CENPP: variants seen among roughly 807,000 people sequenced by gnomAD.
CENPP encodes centromere protein P.
Under a neutral mutation model 35.6 loss-of-function variants are expected in CENPP, and 24 were observed. The ratio of observed to expected loss-of-function variants is 0.67; its 90% CI spans 0.49 to 0.95. The LOEUF (loss-of-function observed/expected upper bound fraction) is 0.95. Among genes scored for constraint, CENPP ranks in the 40% least tolerant of loss-of-function variants. The probability of loss-of-function intolerance (pLI) is 0.00; values close to 1 mark genes in which losing one functional copy is unlikely to be tolerated. For synonymous variants in CENPP, 120 were observed against 125.5 expected (o/e 0.96, Z 0.29); for missense variants, 332 against 345.3 (o/e 0.96, Z 0.31).
At chr9:92,454,002 A>T (rs1448184825) in intron 5 of CENPP, among the ~76,000 whole-genome samples, 1 of 152,182 alleles carries the variant, frequency 6.6e-6, no homozygotes, top group Non-Finnish European at 1.5e-5. Flanking sequence ...TGACTTCTAA[A>T]TACCTCATAA....
chr9:92,417,788 G>A (rs1171874413), intron 5 of CENPP, among the ~76,000 whole-genome samples: 4 of 151,958 alleles, frequency 2.6e-5, no homozygotes, highest in African/African-American at 4.8e-5. Context: ...GCACAATCTC[G>A]GCTCACTGCA....
intron 5 of CENPP, among the ~76,000 whole-genome samples, chr9:92,519,328 A>G (rs1847922617): frequency 6.6e-6 from 1 of 152,226 alleles, no homozygotes; most frequent in Non-Finnish European, 1.5e-5. Context: ...CCTTAAATTC[A>G]AATGGAAAAG....
At chr9:92,453,915 T>C (rs186124314) in intron 5 of CENPP, among the ~76,000 whole-genome samples, 1 of 152,036 alleles carries the variant, frequency 6.6e-6, no homozygotes, top group Non-Finnish European at 1.5e-5. Context: ...AGCCCAAGAG[T>C]TTGAGACCAG....
At chr9:92,530,920 T>C (rs1848711400) in intron 5 of CENPP, among the ~76,000 whole-genome samples, 1 of 152,180 alleles carries the variant, frequency 6.6e-6, no homozygotes, top group Non-Finnish European at 1.5e-5. Flanking sequence ...CTCTTACTTA[T>C]AAGGGAGAAC....
chr9:92,434,128 C>A (rs978443127), intron 5 of CENPP, among the ~76,000 whole-genome samples: 2 of 151,866 alleles, frequency 1.3e-5, no homozygotes, highest in African/African-American at 4.8e-5. Context: ...CGGTGGCTCA[C>A]GCCTGTAATC....
At chr9:92,475,596 A>G (rs1845687012) in intron 5 of CENPP, among the ~76,000 whole-genome samples, 1 of 152,198 alleles carries the variant, frequency 6.6e-6, no homozygotes, top group Non-Finnish European at 1.5e-5. Flanking sequence ...AAATCTTTCT[A>G]TTGCCTTAAT....
intron 5 of CENPP, chr9:92,403,166 G>T: frequency 1.8e-6 from 2 of 1,102,076 alleles, no homozygotes. Context: ...ACACATTCAG[G>T]AAAAGCAAAA....
At chr9:92,451,896 G>A (rs1844721092) in intron 5 of CENPP, among the ~76,000 whole-genome samples, 2 of 151,940 alleles carry the variant, frequency 1.3e-5, no homozygotes, top group South Asian at 4.2e-4. Flanking sequence ...TTGGCTCTCT[G>A]TTTGTCTGTT....
chr9:92,414,339 A>T (rs1843525881), intron 5 of CENPP: 1 of 197,702 alleles, frequency 5.1e-6, no homozygotes, highest in South Asian at 1.9e-4. Flanking sequence ...TGTAACAAAG[A>T]GGCCTTTCTA....
chr9:92,618,927 G>T lies in CENPP; in HGVS notation c.*5778G>T. 2 of 296,640 alleles carry T rather than the reference G, an allele frequency of 6.7e-6. No homozygotes were observed. The highest frequency in any genetic ancestry group is 1.3e-5 in the Non-Finnish European group (2 of 152,686). The allele number at this position is 296,640 out of a possible 1,614,324, so 18.4% of individuals were successfully genotyped here. On this transcript the variant is annotated 3_prime_UTR_variant, in exon 8 of 8. Coordinates refer to ENST00000375587, the MANE Select transcript of CENPP (RefSeq NM_001012267.3). ...ATCGGTGATGGAGATGCTGTCTAAC[G>T]ACTATGAGATTATCAGTTTCATCCC...
rs1336335161 is a variant in CENPP, at chr9:92,549,664, C to CA, written c.565-61646dup. On this transcript the variant is annotated intron_variant, in intron 5 of 7. Transcript: ENST00000375587. ...TCCGTCTCAAAAAAAAAAAACAAAACAAAACAAAACTAGATGACATTCTAT... is the reference window on the plus strand; with the variant it reads ...TCCGTCTCAAAAAAAAAAAACAAAACAAAAACAAAACTAGATGACATTCTAT... Among the ~76,000 whole-genome samples the CA allele has an allele frequency of 2.8e-4, 40 of 145,144 alleles. 2 individuals carry two copies. The South Asian group carries it at 8.6e-3, about 31-fold the overall frequency.
chr9:92,371,214 T>C lies in CENPP; in HGVS notation c.468-8549T>C, dbSNP rs1372136785. Among the ~76,000 whole-genome samples, 3 of 152,204 alleles carry C rather than the reference T, an allele frequency of 2.0e-5. No homozygotes were observed. In the East Asian group the frequency reaches 5.8e-4, roughly 29 times the overall value. ...GAGGTACATTGTTAGATTTATAGTT[T>C]ATAACTTTTTACCTTCTGGATGTCA... is the stretch of plus-strand genomic sequence containing the variant. On this transcript the variant is annotated intron_variant, in intron 4 of 7. Transcript: ENST00000375587.
intron 5 of CENPP, among the ~76,000 whole-genome samples, chr9:92,494,940 A>G (rs1564352219): frequency 6.6e-6 from 1 of 152,162 alleles, no homozygotes; most frequent in African/African-American, 2.4e-5. Context: ...GGAATAAGTC[A>G]AACTTTTCAC....
At chr9:92,442,550 A>G (rs1373120577) in intron 5 of CENPP, among the ~76,000 whole-genome samples, 2 of 152,002 alleles carry the variant, frequency 1.3e-5, no homozygotes, top group Admixed American at 6.6e-5. Flanking sequence ...ATCTTAGTAA[A>G]TAAAAAACAT....
chr9:92,492,646 C>T (rs1008246009), intron 5 of CENPP, among the ~76,000 whole-genome samples: 8 of 152,174 alleles, frequency 5.3e-5, no homozygotes, highest in South Asian at 4.1e-4. Context: ...CTATACCCTC[C>T]GGTTGAGCAT....
At chr9:92,578,131 G>A (rs1338999628) in intron 5 of CENPP, among the ~76,000 whole-genome samples, 3 of 151,830 alleles carry the variant, frequency 2.0e-5, no homozygotes, top group Non-Finnish European at 2.9e-5. Context: ...ACATGAACTC[G>A]TCATTTTTTA....
intron 5 of CENPP, among the ~76,000 whole-genome samples, chr9:92,488,728 A>T (rs557850994): frequency 6.6e-6 from 1 of 152,370 alleles, no homozygotes; most frequent in East Asian, 1.9e-4. Flanking sequence ...ATTACAACTT[A>T]TAAAAAGATT....
At chr9:92,603,322 G>C (rs995714673) in intron 5 of CENPP, among the ~76,000 whole-genome samples, 1 of 152,270 alleles carries the variant, frequency 6.6e-6, no homozygotes, top group Non-Finnish European at 1.5e-5. Flanking sequence ...ACCTAGACCA[G>C]TGTCTGGCAC....
At chr9:92,472,461 C>T (rs1845560966) in intron 5 of CENPP, among the ~76,000 whole-genome samples, 1 of 151,938 alleles carries the variant, frequency 6.6e-6, no homozygotes, top group Non-Finnish European at 1.5e-5. Context: ...AGATCAAGAC[C>T]ATCCTGGCCA....
Sources: allele counts gnomAD v4.1 joint callset (sites outside exome capture counted in the v4.1 genomes callset), GRCh38; gene constraint gnomAD v4.1.1; transcripts MANE v1.5; gene names NCBI Gene and HGNC (gene_info 2026-07-23, HGNC 2026-07-21).